The following FRY variants were observed in gnomAD, a reference collection of about 807,000 sequenced individuals.
FRY encodes protein furry homolog.
Under a neutral mutation model 348.4 loss-of-function variants are expected in FRY, and 128 were observed. That is an observed-to-expected ratio of 0.37 (90% CI 0.32 to 0.43). The LOEUF (loss-of-function observed/expected upper bound fraction) is 0.43. Among genes scored for constraint, FRY ranks in the 20% least tolerant of loss-of-function variants. The pLI is 1.00. For missense variants in FRY, 2,736 were observed against 3,695.2 expected (o/e 0.74, Z 6.73); for synonymous variants, 1,370 against 1,374.7 (o/e 1.00, Z 0.08).
intron 2 of FRY, among the ~76,000 whole-genome samples, chr13:32,084,082 C>T (rs188585195): frequency 5.3e-5 from 8 of 152,232 alleles, no homozygotes; most frequent in African/African-American, 1.4e-4. Context: ...GCACTTACTC[C>T]GTGTGAGCTT....
chr13:32,201,854 A>G (rs760355910), intron 29 of FRY, 87 bp from the exon 30 acceptor site: 46 of 818,554 alleles, frequency 5.6e-5, no homozygotes, highest in Non-Finnish European at 9.8e-5. Context: ...CGAGGTCAGC[A>G]TGCCAGCTAG....
chr13:32,210,906 T>C lies in FRY; in HGVS notation c.4463T>C (p.Ile1488Thr). ...ATATACTTGTGCCGTAACAACACCA[T>C]TCAAACCATGGAAGAGCTTCTCTTT... Reference protein sequence around the residue: ...VAIYLCRNNTIQTMEELLFEL... With the variant: ...VAIYLCRNNTTQTMEELLFEL... The change falls in exon 34 of 61, where the codon ATT becomes ACT. Residue 1488 changes from isoleucine (I) to threonine (T), a missense_variant. Physicochemically the swap from Ile to Thr is moderately conservative, Grantham distance 89. Transcript: ENST00000542859. The C allele has an allele frequency of 6.2e-7, 1 of 1,614,012 alleles. No homozygotes were observed.
intron 40 of FRY, among the ~76,000 whole-genome samples, chr13:32,230,022 G>T (rs771318405): frequency 1.3e-5 from 2 of 152,166 alleles, no homozygotes; most frequent in Non-Finnish European, 2.9e-5. Flanking sequence ...AGACTGAAAT[G>T]TACTTCCAAA....
intron 6 of FRY, 38 bp from the exon 7 acceptor site, chr13:32,124,757 C>T (rs1484755590): frequency 1.9e-6 from 3 of 1,545,672 alleles, no homozygotes; most frequent in Middle Eastern, 1.7e-4. Context: ...TTTCCGATGA[C>T]CAGGGATCCC....
rs2072109008 is a variant in FRY at position 32,299,101 on chromosome 13, C to A, written c.*3641C>A. On this transcript the variant is annotated 3_prime_UTR_variant, in exon 61 of 61. Coordinates refer to ENST00000542859, the MANE Select transcript of FRY (RefSeq NM_023037.3). The stretch of plus-strand genomic sequence containing the variant: ...ATTTTATGTTATATATGTTTTACCA[C>A]AATAAAAATAATTTTTTTAAAGGAT... 6.6e-6 allele frequency: 1 copy of A among 152,098 alleles called. No individual in the cohort carries two copies. The allele number at this position is 152,098 out of a possible 1,614,324, so 9.4% of individuals were successfully genotyped here. A position where few individuals can be genotyped will look rare whatever the true frequency, so the allele number is the denominator to read the frequency against.
chr13:32,032,819 T>A (rs533399888), intron 1 of FRY, among the ~76,000 whole-genome samples: 16 of 152,288 alleles, frequency 1.1e-4, no homozygotes, highest in African/African-American at 3.6e-4. Flanking sequence ...AATAAAAAAA[T>A]TTTTTCCCCG....
At chr13:32,054,634 G>A (rs564493743) in intron 1 of FRY, among the ~76,000 whole-genome samples, 1 of 152,268 alleles carries the variant, frequency 6.6e-6, no homozygotes, top group South Asian at 2.1e-4. Context: ...AGCACTTTGG[G>A]AGGCCGAGGC....
chr13:32,134,091 T>C (rs1048490935), intron 8 of FRY, among the ~76,000 whole-genome samples: 2 of 152,172 alleles, frequency 1.3e-5, no homozygotes, highest in Non-Finnish European at 2.9e-5. Context: ...CCTGGACTCT[T>C]GAATGAAAAC....
chr13:32,111,888 T>G (rs1877989704), intron 3 of FRY, among the ~76,000 whole-genome samples: 1 of 152,240 alleles, frequency 6.6e-6, no homozygotes, highest in Non-Finnish European at 1.5e-5. Flanking sequence ...AGTGAGCTGT[T>G]GCCTGCAGCA....
Position 32,262,381 on chromosome 13 carries a change from C to G in FRY, c.7685C>G (p.Thr2562Ser). The stretch of plus-strand genomic sequence containing the variant: ...CTGCTCACCACAGCCTGTGACTCGA[C>G]CCCTGCAGAACCTCATTCCTTTAAC... ...MELLTTACDS[T>S]PAEPHSFNTR... The change falls in exon 53 of 61, where the codon ACC becomes AGC. Residue 2562 changes from threonine (T) to serine (S), a missense_variant. By Grantham distance (58) the Thr-to-Ser change is moderately conservative (BLOSUM62 1). This residue lies in a region of FRY where 789 missense variants were observed against 996.2 expected (regional missense o/e 0.79). Transcript: ENST00000542859. The G allele has an allele frequency of 6.2e-7, 1 of 1,613,434 alleles. No individual in the cohort carries two copies. The highest frequency in any genetic ancestry group is 8.5e-7 in the Non-Finnish European group (1 of 1,179,352).
chr13:32,100,802 T>C (rs987050017), intron 2 of FRY, among the ~76,000 whole-genome samples: 1 of 152,106 alleles, frequency 6.6e-6, no homozygotes, highest in Non-Finnish European at 1.5e-5. Context: ...TGCTGGTGAG[T>C]TCCCCCTTTC....
At chr13:32,287,218 G>T (rs919271528) in intron 58 of FRY, among the ~76,000 whole-genome samples, 11 of 150,964 alleles carry the variant, frequency 7.3e-5, no homozygotes, top group Non-Finnish European at 1.3e-4. Flanking sequence ...GTTATAAAAA[G>T]TAAAATGCAA....
In FRY at chr13:32,147,366, A is replaced by G. The variant is rs1880522260; in HGVS notation, c.1264A>G (p.Ser422Gly). 1 of 1,600,198 alleles carries G rather than the reference A, an allele frequency of 6.2e-7. No individual in the cohort carries two copies. The highest frequency in any genetic ancestry group is 1.1e-5 in the South Asian group (1 of 90,810). The change falls in exon 12 of 61, where the codon AGC (serine) becomes GGC (glycine). Residue 422 changes from serine (S) to glycine (G), a missense_variant. Around this residue, in one of 9 missense-constraint regions of FRY, gnomAD observed 191 missense variants for 370.2 expected, o/e 0.52. Coordinates refer to ENST00000542859, the MANE Select transcript of FRY (RefSeq NM_023037.3). ...TTACATGATTCGAATTAAATGTGAAAGCAACACAGCTACTCAGAGGTAAGA... is the reference window on the plus strand; with the variant it reads ...TTACATGATTCGAATTAAATGTGAAGGCAACACAGCTACTCAGAGGTAAGA... ...WVYMIRIKCE[S>G]NTATQSRLIT... is the part of the protein sequence containing the mutation.
intron 19 of FRY, 51 bp from the exon 20 acceptor site, chr13:32,175,495 G>C: frequency 9.2e-7 from 1 of 1,089,054 alleles, no homozygotes; most frequent in Non-Finnish European, 1.4e-6. Flanking sequence ...GGTGGGGTGG[G>C]TGGGGAGGAT....
rs949741102 is a variant in FRY, at chr13:32,173,525, G to A, written c.2310G>A (p.Leu770=). The A allele has an allele frequency of 6.2e-7, 1 of 1,613,530 alleles. No individual in the cohort carries two copies. The highest frequency in any genetic ancestry group is 1.3e-5 in the African/African-American group (1 of 74,892). Residue 770 remains leucine, a synonymous_variant, in exon 19 of 61, where the codon TTG becomes TTA. Coordinates refer to ENST00000542859, the MANE Select transcript of FRY (RefSeq NM_023037.3). ...SVLILKEIRA[L]FIALGQPEDD... ...TAATACTCAAGGAAATTCGAGCGTT[G>A]TTTATTGCCCTGGGGCAGCCTGAGG...
chr13:32,178,498 A>T, intron 21 of FRY, 62 bp downstream of exon 21: 2 of 1,556,402 alleles, frequency 1.3e-6, no homozygotes, highest in Non-Finnish European at 1.8e-6. Context: ...TTAAATTTTC[A>T]TTTTGTGTAA....
intron 55 of FRY, among the ~76,000 whole-genome samples, chr13:32,269,723 A>G (rs910937117): frequency 2.6e-5 from 4 of 152,066 alleles, no homozygotes; most frequent in African/African-American, 9.7e-5. Context: ...TAACTTATTA[A>G]TCTGTTATTC....
At chr13:32,282,322 A>G (rs769921901) in intron 58 of FRY, among the ~76,000 whole-genome samples, 1 of 152,218 alleles carries the variant, frequency 6.6e-6, no homozygotes, top group Non-Finnish European at 1.5e-5. Context: ...GGGGACAGGT[A>G]GAATGGGGAT....
chr13:32,243,219 T>C (rs1380987201), intron 46 of FRY, among the ~76,000 whole-genome samples: 4 of 152,244 alleles, frequency 2.6e-5, no homozygotes, highest in Non-Finnish European at 1.5e-5. Flanking sequence ...TAATATTATC[T>C]GATATCCTCC....
Sources: gnomAD v4.1 joint callset for allele counts (sites outside exome capture counted in the v4.1 genomes callset) on GRCh38, gnomAD v4.1.1 for gene constraint, gnomAD v4.1.1 regional missense constraint, MANE v1.5 for transcripts, NCBI Gene and HGNC (gene_info 2026-07-23, HGNC 2026-07-21) for gene names.